The following KMT5B variants were observed in gnomAD, a reference collection of about 807,000 sequenced individuals.
KMT5B encodes the protein histone-lysine N-methyltransferase KMT5B.
A neutral mutation model predicts 83.2 loss-of-function variants in KMT5B; 10 were observed. That is an observed-to-expected ratio of 0.12 (90% CI 0.07 to 0.20). KMT5B has a LOEUF of 0.20. Among genes scored for constraint, KMT5B ranks in the 10% least tolerant of loss-of-function variants. KMT5B has a pLI of 1.00. For missense variants in KMT5B, 753 were observed against 1,067.2 expected (o/e 0.71, Z 4.10); for synonymous variants, 349 against 388.8 (o/e 0.90, Z 1.20).
rs1441298061 is a variant in KMT5B at position 68,155,632 on chromosome 11, C to T, written c.*2056G>A. The stretch of plus-strand genomic sequence containing the variant: ...AGAGGTGACCCGCTGCCCTCCAGCA[C>T]CTCCAGACACAGGGTCTACCTTCAT... On this transcript the variant is annotated 3_prime_UTR_variant, in exon 11 of 11. Transcript: ENST00000304363. 6.6e-6 allele frequency: 1 copy of T among 152,178 alleles called. No homozygotes were observed. The highest frequency in any genetic ancestry group is 1.5e-5 in the Non-Finnish European group (1 of 68,060). 9.4% of individuals were successfully genotyped at this position (152,178 alleles called of 1,614,324 possible). A position where few individuals can be genotyped will look rare whatever the true frequency, so the allele number is the denominator to read the frequency against.
intron 1 of KMT5B, among the ~76,000 whole-genome samples, chr11:68,195,861 T>C (rs1858637499): frequency 6.6e-6 from 1 of 152,202 alleles, no homozygotes; most frequent in Admixed American, 6.6e-5. Flanking sequence ...GGTCATTAAA[T>C]AAAATGAATT....
At chr11:68,185,122 C>A (rs1857313652) in intron 3 of KMT5B, among the ~76,000 whole-genome samples, 1 of 152,036 alleles carries the variant, frequency 6.6e-6, no homozygotes, top group Admixed American at 6.5e-5. Flanking sequence ...AGGGATGTAC[C>A]CTACTTTAGG....
chr11:68,212,186 CA>C (rs1263746893), intron 1 of KMT5B, among the ~76,000 whole-genome samples: 1 of 152,186 alleles, frequency 6.6e-6, no homozygotes, highest in African/African-American at 2.4e-5. Flanking sequence ...TCCTACACAG[CA>C]AAGTTCAGAC....
In KMT5B at chr11:68,157,579, G is replaced by A. The variant is rs2153039709; in HGVS notation, c.*109C>T. 3 of 1,441,688 alleles carry A rather than the reference G, an allele frequency of 2.1e-6. No homozygotes were observed. The highest frequency in any genetic ancestry group is 2.7e-6 in the Non-Finnish European group (3 of 1,096,340). The allele number at this position is 1,441,688 out of a possible 1,614,324, so 89.3% of individuals were successfully genotyped here. ...ACTTTCTACAATAGTATGCTGATAA[G>A]TGAAGGGACAATAGAAGTGCTGCCA... On this transcript the variant is annotated 3_prime_UTR_variant, in exon 11 of 11. Coordinates refer to ENST00000304363, the MANE Select transcript of KMT5B (RefSeq NM_017635.5).
chr11:68,211,722 G>T (rs1366905989), intron 1 of KMT5B, among the ~76,000 whole-genome samples: 1 of 152,306 alleles, frequency 6.6e-6, no homozygotes, highest in Non-Finnish European at 1.5e-5. Flanking sequence ...AAGAGTGTAC[G>T]GGGTGGAGAA....
Position 68,159,038 on chromosome 11 carries a change from C to T in KMT5B, c.1308G>A (p.Arg436=). 5 of 1,612,716 alleles carry T rather than the reference C, an allele frequency of 3.1e-6. No individual in the cohort carries two copies. Among genetic ancestry groups the T allele is most frequent in the Non-Finnish European group, 4.2e-6 (5 of 1,179,724 alleles). Residue 436 remains arginine, a synonymous_variant, in exon 11 of 11, where the codon AGG becomes AGA. Coordinates refer to ENST00000304363, the MANE Select transcript of KMT5B (RefSeq NM_017635.5). ...SSKLTHINNS[R]VPKKLKKPAK... ...CAGGCTTCTTCAGTTTCTTTGGTAC[C>T]CTGGAATTATTTATATGAGTTAGCT...
chr11:68,202,220 T>C (rs1186417785), intron 1 of KMT5B, among the ~76,000 whole-genome samples: 1 of 152,218 alleles, frequency 6.6e-6, no homozygotes, highest in African/African-American at 2.4e-5. Flanking sequence ...GAGATTACAA[T>C]GGAGAATGAC....
intron 9 of KMT5B, among the ~76,000 whole-genome samples, chr11:68,169,309 A>C (rs1855623206): frequency 1.3e-5 from 2 of 152,202 alleles, no homozygotes; most frequent in African/African-American, 4.8e-5. Context: ...AATCCTCAGT[A>C]TGTGGTTAGG....
At chr11:68,213,492 G>C (rs944824683), upstream of KMT5B, 4 of 150,258 alleles carry the variant, frequency 2.7e-5, no homozygotes, top group East Asian at 5.9e-4. Flanking sequence ...CTCGCGCACG[G>C]CCGCCCGTAC....
rs1375923161 is a variant in KMT5B at position 68,201,455 on chromosome 11, T to A, written c.-76-11303A>T. Among the ~76,000 whole-genome samples the A allele has an allele frequency of 2.6e-5, 4 of 152,190 alleles. No individual in the cohort carries two copies. In the East Asian group the frequency reaches 7.7e-4, roughly 29 times the overall value. On this transcript the variant is annotated intron_variant, in intron 1 of 10. Coordinates refer to ENST00000304363, the MANE Select transcript of KMT5B (RefSeq NM_017635.5). ...AATGCCCTTCTCTTTCCAGGCTCTT[T>A]ATGAGATTATAAATTGTTGAGTGAC...
intron 1 of KMT5B, among the ~76,000 whole-genome samples, chr11:68,193,933 AG>A (rs1286223211): frequency 6.6e-6 from 1 of 151,432 alleles, no homozygotes; most frequent in Non-Finnish European, 1.5e-5. Context: ...CCAAAGTGTT[AG>A]GATTACCAGC....
intron 1 of KMT5B, among the ~76,000 whole-genome samples, chr11:68,196,282 G>A (rs1200171370): frequency 6.6e-6 from 1 of 151,896 alleles, no homozygotes; most frequent in Non-Finnish European, 1.5e-5. Context: ...TTAAGTCCCA[G>A]TTCAGTGTTC....
chr11:68,174,247 C>A, intron 5 of KMT5B: 1 of 384,102 alleles, frequency 2.6e-6, no homozygotes, highest in Non-Finnish European at 5.1e-6. Context: ...AAAGTAAGAT[C>A]ATTAGGTAAC....
intron 1 of KMT5B, among the ~76,000 whole-genome samples, chr11:68,198,366 C>T (rs1008444584): frequency 5.3e-5 from 8 of 151,272 alleles, no homozygotes; most frequent in Admixed American, 4.0e-4. Flanking sequence ...CCAGCCTGGG[C>T]GACACAGCAA....
chr11:68,195,182 G>A (rs1858559986), intron 1 of KMT5B, among the ~76,000 whole-genome samples: 2 of 152,058 alleles, frequency 1.3e-5, no homozygotes, highest in South Asian at 4.1e-4. Context: ...AGAAAATGAT[G>A]AAGTGGTAAA....
At chr11:68,160,024 T>C (rs1429997412) in intron 10 of KMT5B, among the ~76,000 whole-genome samples, 1 of 152,248 alleles carries the variant, frequency 6.6e-6, no homozygotes, top group African/African-American at 2.4e-5. Flanking sequence ...TGAGTAGTGA[T>C]GAATATGATT....
chr11:68,195,385 C>T (rs1858581371), intron 1 of KMT5B, among the ~76,000 whole-genome samples: 1 of 152,150 alleles, frequency 6.6e-6, no homozygotes, highest in Non-Finnish European at 1.5e-5. Flanking sequence ...CCCCATCCAC[C>T]TCACAGGGCT....
At chr11:68,180,313 G>A (rs1268612387) in intron 3 of KMT5B, 113 bp from the exon 4 acceptor site, 1 of 1,407,460 alleles carries the variant, frequency 7.1e-7, no homozygotes, top group Non-Finnish European at 9.5e-7. Flanking sequence ...TTAAAACTCT[G>A]TGATAATCAA....
intron 1 of KMT5B, among the ~76,000 whole-genome samples, chr11:68,202,088 T>C (rs1338169332): frequency 6.6e-6 from 1 of 151,996 alleles, no homozygotes; most frequent in East Asian, 1.9e-4. Flanking sequence ...AAAAAGCAGG[T>C]TCTAGCCTGT....
Sources: gnomAD v4.1 joint callset for allele counts (sites outside exome capture counted in the v4.1 genomes callset) on GRCh38, gnomAD v4.1.1 for gene constraint, MANE v1.5 for transcripts, NCBI Gene and HGNC (gene_info 2026-07-23, HGNC 2026-07-21) for gene names.